ENOX2: variants seen among roughly 807,000 people sequenced by gnomAD.
The protein encoded by ENOX2 is ecto-NOX disulfide-thiol exchanger 2.
A neutral mutation model predicts 45.0 loss-of-function variants in ENOX2; 36 were observed. The observed-to-expected ratio is 0.80, with a 90% CI of 0.61 to 1.06. The LOEUF is 1.06. Ranked by LOEUF, ENOX2 falls within the 50% of genes least tolerant of loss-of-function variation. The pLI, the probability that ENOX2 is intolerant of heterozygous loss-of-function variation, is 0.00. For synonymous variants in ENOX2, 174 were observed against 152.3 expected (o/e 1.14, Z -1.05); for missense variants, 423 against 462.5 (o/e 0.91, Z 0.78).
At chrX:130,721,753 G>A (rs966723129) in intron 3 of ENOX2, among the ~76,000 whole-genome samples, 1 of 112,029 alleles carries the variant, frequency 8.9e-6, no homozygotes, top group East Asian at 2.8e-4. Context: ...TTCTGGTGAC[G>A]TACTTGTAAA....
chrX:130,705,632 C>T (rs908642252), intron 3 of ENOX2, among the ~76,000 whole-genome samples: 1 of 111,739 alleles, frequency 8.9e-6, no homozygotes, highest in African/African-American at 3.3e-5. Context: ...CCCCTAACAC[C>T]CATCTCCACC....
intron 10 of ENOX2, among the ~76,000 whole-genome samples, chrX:130,640,599 G>T (rs2036054703): frequency 8.9e-6 from 1 of 112,330 alleles, no homozygotes; most frequent in Admixed American, 9.4e-5. Context: ...CATGTCCTTT[G>T]CAGGGACATG....
chrX:130,848,786 A>G (rs944352766), intron 2 of ENOX2, among the ~76,000 whole-genome samples: 9 of 111,584 alleles, frequency 8.1e-5, no homozygotes, highest in Admixed American at 6.7e-4. Flanking sequence ...ACAGAGTGAG[A>G]CTGTCAAAAA....
intron 3 of ENOX2, among the ~76,000 whole-genome samples, chrX:130,745,608 A>G (rs1275211248): frequency 8.9e-6 from 1 of 112,153 alleles, no homozygotes; most frequent in African/African-American, 3.2e-5. Context: ...TCTAGATTCT[A>G]AAGTGCTGAG....
rs149481284 is a variant in ENOX2 at position 130,897,161 on chromosome X, A to G, written c.-183+4523T>C. Among the ~76,000 whole-genome samples the G allele has an allele frequency of 1.2e-3, 137 of 112,207 alleles. 2 individuals carry two copies. The East Asian group carries it at 0.031, about 25-fold the overall frequency. ...CGGTTTTCTGTAGCTCTCTGTTGACATACCCATCCCAAATGACACAGAATT... is the reference window on the plus strand; with the variant it reads ...CGGTTTTCTGTAGCTCTCTGTTGACGTACCCATCCCAAATGACACAGAATT... On this transcript the variant is annotated intron_variant, in intron 2 of 14. Coordinates refer to ENST00000394363, the MANE Select transcript of ENOX2 (RefSeq NM_006375.4).
At chrX:130,759,358 G>A (rs768689272) in intron 3 of ENOX2, among the ~76,000 whole-genome samples, 4 of 109,126 alleles carry the variant, frequency 3.7e-5, no homozygotes, top group Admixed American at 9.8e-5. Context: ...TTGGGAGGCC[G>A]AGGCGGTTGG....
intron 3 of ENOX2, among the ~76,000 whole-genome samples, chrX:130,768,454 A>G (rs1177594106): frequency 8.9e-6 from 1 of 112,008 alleles, no homozygotes; most frequent in Non-Finnish European, 1.9e-5. Flanking sequence ...GAATCACTGA[A>G]CAAAATGATC....
chrX:130,697,188 T>C (rs2148204896), intron 4 of ENOX2, among the ~76,000 whole-genome samples: 1 of 111,297 alleles, frequency 9.0e-6, no homozygotes, highest in African/African-American at 3.3e-5. Flanking sequence ...CTGTTCTTAG[T>C]TCTTTCATCC....
chrX:130,771,814 G>A (rs769666301), intron 3 of ENOX2, among the ~76,000 whole-genome samples: 3 of 112,152 alleles, frequency 2.7e-5, no homozygotes, highest in East Asian at 5.6e-4. Context: ...AAAAACCTGC[G>A]TTTGAAGAGC....
intron 2 of ENOX2, among the ~76,000 whole-genome samples, chrX:130,848,702 A>G (rs1200255448): frequency 9.0e-6 from 1 of 111,687 alleles, no homozygotes; most frequent in African/African-American, 3.3e-5. Flanking sequence ...TGGTCCTAGA[A>G]GATGTGTCTG....
At chrX:130,895,912 T>C (rs1295151760) in intron 2 of ENOX2, among the ~76,000 whole-genome samples, 9 of 112,471 alleles carry the variant, frequency 8.0e-5, no homozygotes, top group Admixed American at 6.6e-4. Flanking sequence ...CATAAATCTT[T>C]AGACATATGA....
At chrX:130,741,836 G>C (rs747341920) in intron 3 of ENOX2, among the ~76,000 whole-genome samples, 16 of 111,833 alleles carry the variant, frequency 1.4e-4, no homozygotes, top group African/African-American at 4.9e-4. Flanking sequence ...TTGAATGTGA[G>C]GGACTGAAGA....
chrX:130,669,897 A>G lies in ENOX2; in HGVS notation c.694+68T>C, dbSNP rs964743889. ...TCAAAGTGTAACTGTCAACAATGCAATTATATTTATGACACTTCTCTAAAG... is the reference window on the plus strand; with the variant it reads ...TCAAAGTGTAACTGTCAACAATGCAGTTATATTTATGACACTTCTCTAAAG... On this transcript the variant is annotated intron_variant, in intron 7 of 14. Coordinates refer to ENST00000394363, the MANE Select transcript of ENOX2 (RefSeq NM_006375.4). 2.3e-5 allele frequency: 18 copies of G among 793,821 alleles called. No individual in the cohort carries two copies. The African/African-American group carries it at 3.7e-4, about 16-fold the overall frequency. 65.4% of individuals were successfully genotyped at this position (793,821 alleles called of 1,213,427 possible).
intron 10 of ENOX2, among the ~76,000 whole-genome samples, chrX:130,641,752 T>C (rs1053486548): frequency 3.7e-5 from 4 of 107,507 alleles, no homozygotes; most frequent in African/African-American, 1.4e-4. Context: ...GAGAGAATTA[T>C]GCTAAATCTA....
At chrX:130,773,010 G>A (rs1356450127) in intron 3 of ENOX2, among the ~76,000 whole-genome samples, 1 of 112,305 alleles carries the variant, frequency 8.9e-6, no homozygotes, top group South Asian at 3.7e-4. Flanking sequence ...AATTGTTAGC[G>A]TAGTTATTTG....
chrX:130,815,485 A>T (rs2077467399), intron 2 of ENOX2, among the ~76,000 whole-genome samples: 2 of 112,164 alleles, frequency 1.8e-5, no homozygotes, highest in Non-Finnish European at 3.8e-5. Context: ...AAAAATGTTA[A>T]GGGTAGCCAG....
At chrX:130,883,788 T>C (rs2078859071) in intron 2 of ENOX2, among the ~76,000 whole-genome samples, 1 of 111,236 alleles carries the variant, frequency 9.0e-6, no homozygotes, top group Non-Finnish European at 1.9e-5. Context: ...ATCAGACGAC[T>C]CAACTTCAGC....
chrX:130,827,907 G>A (rs758264802), intron 2 of ENOX2, among the ~76,000 whole-genome samples: 3 of 111,183 alleles, frequency 2.7e-5, no homozygotes, highest in African/African-American at 9.8e-5. Context: ...ATAATTCCTC[G>A]GATTTATGTA....
chrX:130,718,406 T>C (rs2038385465), intron 3 of ENOX2, among the ~76,000 whole-genome samples: 1 of 111,491 alleles, frequency 9.0e-6, no homozygotes, highest in Admixed American at 9.6e-5. Context: ...ACCATGCTAT[T>C]TGCTGGCTAT....
Sources: allele counts gnomAD v4.1 joint callset (sites outside exome capture counted in the v4.1 genomes callset), GRCh38; gene constraint gnomAD v4.1.1; transcripts MANE v1.5; gene names NCBI Gene and HGNC (gene_info 2026-07-23, HGNC 2026-07-21).